SCFD2: variants seen among roughly 807,000 people sequenced by gnomAD.
The protein encoded by SCFD2 is sec1 family domain containing 2, also known as sec1 family domain-containing protein 2.
Under a neutral mutation model 58.9 loss-of-function variants are expected in SCFD2, and 54 were observed. The observed-to-expected ratio is 0.92, with a 90% CI of 0.74 to 1.15. The LOEUF is 1.15. Ranked by LOEUF, SCFD2 falls within the 50% of genes most tolerant of loss-of-function variation. SCFD2 has a pLI of 0.00. For synonymous variants in SCFD2, 321 were observed against 335.9 expected, an observed-to-expected ratio of 0.96 and a Z score of 0.49; for missense variants, 805 against 836.6, an observed-to-expected ratio of 0.96 and a Z score of 0.47.
intron 5 of SCFD2, chr4:52,948,727 G>A (rs1720508459): frequency 3.2e-6 from 1 of 315,664 alleles, no homozygotes; most frequent in African/African-American, 2.2e-5. Context: ...GAACACGCTG[G>A]ATCCTCTCCT....
chr4:52,997,418 C>CTA (rs1446359957), intron 5 of SCFD2, among the ~76,000 whole-genome samples: 1 of 152,196 alleles, frequency 6.6e-6, no homozygotes, highest in Non-Finnish European at 1.5e-5. Context: ...GCGAAAAAGC[C>CTA]TATTGTAGTG....
chr4:52,928,655 G>A (rs1719918221), intron 5 of SCFD2, among the ~76,000 whole-genome samples: 1 of 152,158 alleles, frequency 6.6e-6, no homozygotes, highest in Admixed American at 6.5e-5. Context: ...CCTGCTTGGT[G>A]TCTTGGAGTC....
chr4:53,041,889 G>A (rs1388265553), intron 5 of SCFD2, among the ~76,000 whole-genome samples: 2 of 152,098 alleles, frequency 1.3e-5, no homozygotes, highest in African/African-American at 2.4e-5. Flanking sequence ...ACCCTCAAGA[G>A]TTTCCTTATT....
chr4:53,362,356 A>C (rs995760225), intron 1 of SCFD2, among the ~76,000 whole-genome samples: 3 of 152,214 alleles, frequency 2.0e-5, no homozygotes, highest in African/African-American at 7.2e-5. Flanking sequence ...GGAACTTGAC[A>C]GGAGGTATGA....
intron 5 of SCFD2, among the ~76,000 whole-genome samples, chr4:52,994,542 T>C (rs573089884): frequency 6.6e-6 from 1 of 152,256 alleles, no homozygotes; most frequent in African/African-American, 2.4e-5. Flanking sequence ...AGGGACCTTG[T>C]TTTAGAGATG....
intron 5 of SCFD2, among the ~76,000 whole-genome samples, chr4:53,063,856 C>G (rs1026206635): frequency 3.9e-5 from 6 of 152,090 alleles, no homozygotes; most frequent in African/African-American, 1.4e-4. Flanking sequence ...GAGGGTACCA[C>G]TGGCAGAGTC....
rs556402125 is a variant in SCFD2 at position 53,061,399 on chromosome 4, G to A, written c.1561+83934C>T. Among the ~76,000 whole-genome samples the A allele has an allele frequency of 1.1e-3, 161 of 152,186 alleles. 2 individuals are homozygous for A. Among genetic ancestry groups the A allele is most frequent in the African/African-American group, 3.6e-3 (149 of 41,536 alleles). On this transcript the variant is annotated intron_variant, in intron 5 of 8. Transcript: ENST00000401642. Reference sequence around the variant, plus strand: ...TCCAAGGTCAGACTGCTGGTAAAAAGCTAGGATTTGGACCCAAGTAGCCTG... The same window carrying A: ...TCCAAGGTCAGACTGCTGGTAAAAAACTAGGATTTGGACCCAAGTAGCCTG...
chr4:53,280,604 C>G (rs1220462657), intron 3 of SCFD2, among the ~76,000 whole-genome samples: 2 of 151,982 alleles, frequency 1.3e-5, no homozygotes, highest in Admixed American at 1.3e-4. Context: ...AAGAAACAGT[C>G]ATATCGTCAT....
chr4:52,892,578 G>A (rs1718902625), intron 7 of SCFD2, among the ~76,000 whole-genome samples: 1 of 152,024 alleles, frequency 6.6e-6, no homozygotes, highest in African/African-American at 2.4e-5. Context: ...ATATATGATG[G>A]CATTTCATTA....
intron 4 of SCFD2, among the ~76,000 whole-genome samples, chr4:53,179,175 A>G (rs1727453138): frequency 6.6e-6 from 1 of 152,206 alleles, no homozygotes; most frequent in African/African-American, 2.4e-5. Context: ...CCTCAAGAGG[A>G]GCAACTCCAA....
At chr4:53,268,594 G>A (rs1016159749) in intron 4 of SCFD2, among the ~76,000 whole-genome samples, 11 of 152,320 alleles carry the variant, frequency 7.2e-5, no homozygotes, top group African/African-American at 2.4e-4. Flanking sequence ...TGCAGAATGA[G>A]GAGGGTATCT....
chr4:53,000,624 C>T (rs180938287), intron 5 of SCFD2, among the ~76,000 whole-genome samples: 5 of 152,352 alleles, frequency 3.3e-5, no homozygotes, highest in Admixed American at 1.3e-4. Context: ...CCAAGCATCA[C>T]GTTACCCAGA....
At chr4:53,237,259 AC>A (rs1416217055) in intron 4 of SCFD2, among the ~76,000 whole-genome samples, 2 of 149,302 alleles carry the variant, frequency 1.3e-5, no homozygotes, top group African/African-American at 4.9e-5. Flanking sequence ...AGACACGGCA[AC>A]CATCCGATTT....
chr4:53,347,201 T>A (rs1348255228), intron 2 of SCFD2, among the ~76,000 whole-genome samples: 2 of 152,226 alleles, frequency 1.3e-5, no homozygotes, highest in African/African-American at 4.8e-5. Context: ...ACTAAGCCAA[T>A]GACAGTGTTC....
rs1301038805 is a variant in SCFD2 at position 53,337,852 on chromosome 4, A to G, written c.1007+14746T>C. On this transcript the variant is annotated intron_variant, in intron 2 of 8. Coordinates refer to ENST00000401642, the MANE Select transcript of SCFD2 (RefSeq NM_152540.4). ...TTGTGCATTTCTCAATTTTATAAAC[A>G]TTATAAATTTTGCTTCAGTAAAAAA... Among the ~76,000 whole-genome samples, 2 of 152,218 alleles carry G rather than the reference A, an allele frequency of 1.3e-5. 1 individual carries two copies. Among genetic ancestry groups the G allele is most frequent in the South Asian group, 4.1e-4 (2 of 4,826 alleles).
Position 53,110,566 on chromosome 4 carries a change from T to C in SCFD2, c.1561+34767A>G, listed in dbSNP as rs181491215. On this transcript the variant is annotated intron_variant, in intron 5 of 8. Coordinates refer to ENST00000401642, the MANE Select transcript of SCFD2 (RefSeq NM_152540.4). ...ACAAGAAAACAAACAAACAACCCCA[T>C]CAAAAAGTGGGTTCATCTCAAGCTC... is the stretch of plus-strand genomic sequence containing the variant. 4.8e-4 allele frequency among the ~76,000 whole-genome samples: 73 copies of C among 151,252 alleles called. 1 individual carries two copies. The South Asian group carries it at 0.012, about 26-fold the overall frequency.
At chr4:53,036,750 G>C (rs528383848) in intron 5 of SCFD2, among the ~76,000 whole-genome samples, 1 of 152,168 alleles carries the variant, frequency 6.6e-6, no homozygotes, top group South Asian at 2.1e-4. Context: ...GTAGGTGACA[G>C]GTTGATGGGT....
chr4:53,028,099 T>C (rs1358797683), intron 5 of SCFD2, among the ~76,000 whole-genome samples: 1 of 151,714 alleles, frequency 6.6e-6, no homozygotes, highest in African/African-American at 2.4e-5. Flanking sequence ...ATACAAAAAT[T>C]AGCTGGGCGT....
chr4:53,211,172 G>A lies in SCFD2; in HGVS notation c.1311+62654C>T, dbSNP rs535455468. On this transcript the variant is annotated intron_variant, in intron 4 of 8. Coordinates refer to ENST00000401642, the MANE Select transcript of SCFD2 (RefSeq NM_152540.4). Reference sequence around the variant, plus strand: ...GCAGGGGAATCGTTTGAACCCGGGGGGCGGAGGTTGCAATGAGCTGAGATT... The same window carrying A: ...GCAGGGGAATCGTTTGAACCCGGGGAGCGGAGGTTGCAATGAGCTGAGATT... 2.8e-4 allele frequency among the ~76,000 whole-genome samples: 42 copies of A among 152,028 alleles called. 1 individual carries two copies. The highest frequency in any genetic ancestry group is 9.2e-4 in the African/African-American group (38 of 41,386).
Sources: allele counts gnomAD v4.1 joint callset (sites outside exome capture counted in the v4.1 genomes callset), GRCh38; gene constraint gnomAD v4.1.1; transcripts MANE v1.5; gene names NCBI Gene and HGNC (gene_info 2026-07-23, HGNC 2026-07-21).